ALDH5A1: variants seen among roughly 807,000 people sequenced by gnomAD.
ALDH5A1 encodes the protein aldehyde dehydrogenase 5 family member A1.
A neutral mutation model predicts 54.7 loss-of-function variants in ALDH5A1; 33 were observed. That is an observed-to-expected ratio of 0.60 (90% CI 0.46 to 0.81). The LOEUF is 0.81. Ranked by LOEUF, ALDH5A1 falls within the 30% of genes least tolerant of loss-of-function variation. The pLI is 0.00. For missense variants in ALDH5A1, 657 were observed against 711.0 expected (o/e 0.92, Z 0.86); for synonymous variants, 294 against 292.7 (o/e 1.00, Z -0.05).
rs528637035 is a variant in ALDH5A1 at position 24,515,064 on chromosome 6, A to C, written c.727-103A>C. 7.1e-6 allele frequency: 9 copies of C among 1,264,800 alleles called. No homozygotes were observed. In the Admixed American group the frequency reaches 9.0e-5, roughly 13 times the overall value. The allele number at this position is 1,264,800 out of a possible 1,614,324, so 78.3% of individuals were successfully genotyped here. ...CCAGTGTCAGCTTAATTTTTCTTCC[A>C]TTACTTTTTGGGTTAAGTATCTATT... On this transcript the variant is annotated intron_variant, in intron 4 of 9. Coordinates refer to ENST00000357578, the MANE Select transcript of ALDH5A1 (RefSeq NM_001080.3).
chr6:24,496,728 A>C (rs1055395212), intron 1 of ALDH5A1, among the ~76,000 whole-genome samples: 1 of 152,226 alleles, frequency 6.6e-6, no homozygotes, highest in African/African-American at 2.4e-5. Context: ...GTGTCTCCAC[A>C]TGGTCTTTCC....
intron 4 of ALDH5A1, among the ~76,000 whole-genome samples, chr6:24,510,549 A>G (rs1759440573): frequency 6.6e-6 from 1 of 152,194 alleles, no homozygotes; most frequent in Non-Finnish European, 1.5e-5. Flanking sequence ...TTTTATCAAT[A>G]TATAATGTCC....
At position 24,528,022 on chromosome 6, in the gene ALDH5A1, T is replaced by A. The variant is rs779618400; in HGVS notation, c.1199T>A (p.Val400Asp). The change falls in exon 8 of 10, where the codon GTT becomes GAT. Residue 400 changes from valine (V) to aspartate (D), a missense_variant. Val to Asp is a radical substitution (Grantham distance 152). Around this residue, in one of 2 missense-constraint regions of ALDH5A1, gnomAD observed 425 missense variants for 516.4 expected, o/e 0.82. Transcript: ENST00000357578. ...EKVEKQVNDA[V>D]SKGATVVTGG... ...GTGGAGAAACAGGTGAATGATGCCGTTTCTAAAGGTGCCACCGTTGTGACA... is the reference window on the plus strand; with the variant it reads ...GTGGAGAAACAGGTGAATGATGCCGATTCTAAAGGTGCCACCGTTGTGACA... The A allele has an allele frequency of 6.2e-7, 1 of 1,614,070 alleles. No homozygotes were observed. The highest frequency in any genetic ancestry group is 2.2e-5 in the East Asian group (1 of 44,870).
At chr6:24,520,894 T>G (rs916369313) in intron 6 of ALDH5A1, among the ~76,000 whole-genome samples, 1 of 152,234 alleles carries the variant, frequency 6.6e-6, no homozygotes, top group African/African-American at 2.4e-5. Flanking sequence ...GTTCTCTGTT[T>G]TCTTCTTTCC....
At chr6:24,503,532 G>C in intron 3 of ALDH5A1, 99 bp downstream of exon 3, 1 of 1,417,914 alleles carries the variant, frequency 7.1e-7, no homozygotes, top group East Asian at 2.4e-5. Context: ...CATCCTGTTA[G>C]TTTTGTCACC....
chr6:24,499,668 CTTT>C (rs869265243), intron 1 of ALDH5A1, among the ~76,000 whole-genome samples: 2 of 66,716 alleles, frequency 3.0e-5, no homozygotes, highest in Middle Eastern at 6.0e-3. Flanking sequence ...AATTTCTTTT[CTTT>C]TTTTTTTTTT....
intron 3 of ALDH5A1, among the ~76,000 whole-genome samples, chr6:24,504,430 G>C (rs1283271273): frequency 6.6e-6 from 1 of 152,196 alleles, no homozygotes; most frequent in East Asian, 1.9e-4. Context: ...ATGGGCCTCA[G>C]GCCAAATCCA....
At chr6:24,514,549 G>A (rs930482854) in intron 4 of ALDH5A1, among the ~76,000 whole-genome samples, 3 of 152,040 alleles carry the variant, frequency 2.0e-5, no homozygotes, top group African/African-American at 7.2e-5. Context: ...GACCAGCCTG[G>A]CTAACATGGT....
chr6:24,514,503 C>A (rs187064800), intron 4 of ALDH5A1, among the ~76,000 whole-genome samples: 1 of 152,114 alleles, frequency 6.6e-6, no homozygotes, highest in Non-Finnish European at 1.5e-5. Flanking sequence ...CTTTGGGAGG[C>A]TGAGGTGGGC....
At chr6:24,507,819 G>C (rs1759387117) in intron 4 of ALDH5A1, among the ~76,000 whole-genome samples, 1 of 151,996 alleles carries the variant, frequency 6.6e-6, no homozygotes, top group Non-Finnish European at 1.5e-5. Flanking sequence ...TTGGGGAACA[G>C]GTGGTATTTG....
At chr6:24,513,190 G>T (rs1037278133) in intron 4 of ALDH5A1, among the ~76,000 whole-genome samples, 6 of 152,048 alleles carry the variant, frequency 3.9e-5, no homozygotes, top group Non-Finnish European at 7.4e-5. Context: ...CTCCCAAGTA[G>T]CTGGGACTAC....
chr6:24,517,162 C>T lies in ALDH5A1; in HGVS notation c.870+1852C>T, dbSNP rs138421951. Among the ~76,000 whole-genome samples the T allele has an allele frequency of 2.4e-3, 364 of 152,182 alleles. 1 individual carries two copies. The highest frequency in any genetic ancestry group is 8.0e-3 in the African/African-American group (333 of 41,524). ...CTAGGATTACAGGCATGTGCCACTA[C>T]GCCTGGCTAATTTTTGTATTTTCTG... On this transcript the variant is annotated intron_variant, in intron 5 of 9. Transcript: ENST00000357578.
intron 8 of ALDH5A1, among the ~76,000 whole-genome samples, chr6:24,531,101 C>G (rs557126040): frequency 2.0e-5 from 3 of 152,318 alleles, no homozygotes; most frequent in Middle Eastern, 3.4e-3. Context: ...TCTGGCATGT[C>G]CAGCATTGGG....
At chr6:24,496,339 T>C (rs1313472518) in intron 1 of ALDH5A1, among the ~76,000 whole-genome samples, 1 of 152,072 alleles carries the variant, frequency 6.6e-6, no homozygotes, top group South Asian at 2.1e-4. Flanking sequence ...CAAATAAGTA[T>C]GTGAGAGATG....
At chr6:24,510,942 T>C (rs1286238718) in intron 4 of ALDH5A1, among the ~76,000 whole-genome samples, 2 of 152,172 alleles carry the variant, frequency 1.3e-5, no homozygotes, top group East Asian at 1.9e-4. Flanking sequence ...TTTAAAGAGG[T>C]TCTGTTTTGA....
chr6:24,520,420 C>T lies in ALDH5A1; in HGVS notation c.890C>T (p.Ala297Val). The T allele has an allele frequency of 1.2e-6, 2 of 1,614,144 alleles. No individual in the cohort carries two copies. Among genetic ancestry groups the T allele is most frequent in the Non-Finnish European group, 1.7e-6 (2 of 1,180,030 alleles). ...TCACAGATCCTGTTGCACCACGCAG[C>T]AAACTCTGTGAAAAGGGTCTCTATG... ...TTGKILLHHA[A>V]NSVKRVSMEL... The change falls in exon 6 of 10, where the codon GCA becomes GTA. Residue 297 changes from alanine to valine, a missense_variant. By Grantham distance (64) the Ala-to-Val change is moderately conservative (BLOSUM62 0). Coordinates refer to ENST00000357578, the MANE Select transcript of ALDH5A1 (RefSeq NM_001080.3).
intron 6 of ALDH5A1, among the ~76,000 whole-genome samples, chr6:24,521,155 A>G (rs925658439): frequency 6.6e-6 from 1 of 152,264 alleles, no homozygotes; most frequent in Admixed American, 6.5e-5. Context: ...TACAGGGCAC[A>G]GGCCCACGCC....
chr6:24,512,459 G>A (rs1002896541), intron 4 of ALDH5A1, among the ~76,000 whole-genome samples: 2 of 152,148 alleles, frequency 1.3e-5, no homozygotes, highest in Admixed American at 6.6e-5. Context: ...GTTATGTGTT[G>A]TGTTTGTTCA....
rs1296166403 is a variant in ALDH5A1, at chr6:24,536,007, A to G, written c.*2295A>G. 1 of 152,182 alleles carries G rather than the reference A, an allele frequency of 6.6e-6. No individual in the cohort carries two copies. Among genetic ancestry groups the G allele is most frequent in the Middle Eastern group, 3.2e-3 (1 of 316 alleles). 9.4% of individuals were successfully genotyped at this position (152,182 alleles called of 1,614,324 possible). On this transcript the variant is annotated 3_prime_UTR_variant, in exon 10 of 10. Transcript: ENST00000357578. ...TAAATTGAGGCCAGAGACTCATTGT[A>G]TATCCTTGATCAATTTTCTAATTAA...
Sources: gnomAD v4.1 joint callset for allele counts (sites outside exome capture counted in the v4.1 genomes callset) on GRCh38, gnomAD v4.1.1 for gene constraint, gnomAD v4.1.1 regional missense constraint, MANE v1.5 for transcripts, NCBI Gene and HGNC (gene_info 2026-07-23, HGNC 2026-07-21) for gene names.